Variants in SEMA7A observed in about 807,000 individuals in gnomAD.
The protein encoded by SEMA7A is semaphorin 7A (JohnMiltonHagen blood group).
A neutral mutation model predicts 67.5 loss-of-function variants in SEMA7A; 21 were observed. The observed-to-expected ratio is 0.31, with a 90% CI of 0.22 to 0.45. The LOEUF (loss-of-function observed/expected upper bound fraction) is 0.45, where lower values mean the gene tolerates loss of function less well. SEMA7A is among the 20% of genes least tolerant of loss of function. The pLI is 1.00. For missense variants in SEMA7A, 774 were observed against 908.6 expected, an observed-to-expected ratio of 0.85 and a Z score of 1.90; for synonymous variants, 364 against 368.5, an observed-to-expected ratio of 0.99 and a Z score of 0.14.
chr15:74,417,516 C>T, intron 5 of SEMA7A, 71 bp from the exon 6 acceptor site: 1 of 1,587,244 alleles, frequency 6.3e-7, no homozygotes, highest in Admixed American at 1.7e-5. Context: ...GGACACTGGA[C>T]AAAGAGCTGA....
chr15:74,433,704 T>C, intron 1 of SEMA7A, 37 bp downstream of exon 1: 2 of 1,398,406 alleles, frequency 1.4e-6, no homozygotes, highest in Non-Finnish European at 1.8e-6. Context: ...GCGCAGCGTC[T>C]GATCCCGCGC....
chr15:74,416,893 C>T (rs1199060504), intron 6 of SEMA7A, among the ~76,000 whole-genome samples, 179 bp from the exon 7 acceptor site: 1 of 152,158 alleles, frequency 6.6e-6, no homozygotes, highest in Non-Finnish European at 1.5e-5. Context: ...GCACCTCCAC[C>T]CCACACCTGT....
chr15:74,416,021 C>A, intron 7 of SEMA7A, 36 bp from the exon 8 acceptor site: 1 of 1,599,184 alleles, frequency 6.3e-7, no homozygotes, highest in Non-Finnish European at 8.6e-7. Context: ...CCCCTCAGCA[C>A]CTGCCCGGGC....
chr15:74,424,995 G>A (rs1047267315), intron 1 of SEMA7A, among the ~76,000 whole-genome samples: 1 of 152,216 alleles, frequency 6.6e-6, no homozygotes, highest in Non-Finnish European at 1.5e-5. Context: ...CCAAGTGGAG[G>A]GAGGGAGGCA....
rs779571310 is a variant in SEMA7A at position 74,411,827 on chromosome 15, C to T, written c.1422+58G>A. The T allele has an allele frequency of 6.2e-6, 10 of 1,607,034 alleles. No individual in the cohort carries two copies. The highest frequency in any genetic ancestry group is 3.3e-5 in the South Asian group (3 of 90,350). ...AACACACAAATCACATGCAAAGGAG[C>T]CCTGTCCTCAGCTGCAGTCACTGCA... On this transcript the variant is annotated intron_variant, in intron 11 of 13. Coordinates refer to ENST00000261918, the MANE Select transcript of SEMA7A (RefSeq NM_003612.5). This position sits in a 1 kb window ranked among gnomAD's most constrained non-coding sequence, Gnocchi z 4.4.
At chr15:74,432,899 T>C (rs1395937829) in intron 1 of SEMA7A, among the ~76,000 whole-genome samples, 1 of 152,058 alleles carries the variant, frequency 6.6e-6, no homozygotes, top group Non-Finnish European at 1.5e-5. Flanking sequence ...TGTCCCATAG[T>C]ACAGGGTCTA....
At chr15:74,413,974 G>A (rs562393255) in intron 10 of SEMA7A, among the ~76,000 whole-genome samples, 70 of 152,266 alleles carry the variant, frequency 4.6e-4, no homozygotes, top group Non-Finnish European at 8.2e-4. Context: ...CATCTCCCAC[G>A]GCATTCCACC....
At chr15:74,426,827 T>C (rs1470368336) in intron 1 of SEMA7A, among the ~76,000 whole-genome samples, 4 of 152,260 alleles carry the variant, frequency 2.6e-5, no homozygotes, top group South Asian at 4.1e-4. Flanking sequence ...GGGCAGAGTG[T>C]GCTCACCAGC....
At chr15:74,428,669 A>G (rs1052611619) in intron 1 of SEMA7A, among the ~76,000 whole-genome samples, 1 of 152,138 alleles carries the variant, frequency 6.6e-6, no homozygotes, top group Non-Finnish European at 1.5e-5. Flanking sequence ...GGAGTCTAGG[A>G]GGCAGTGGGG....
Position 74,431,636 on chromosome 15 carries a change from C to T in SEMA7A, c.178+2105G>A, listed in dbSNP as rs535655532. Among the ~76,000 whole-genome samples the T allele has an allele frequency of 2.6e-5, 4 of 152,356 alleles. No homozygotes were observed. The East Asian group carries it at 5.8e-4, about 22-fold the overall frequency. The stretch of plus-strand genomic sequence containing the variant: ...CAGAGCTCTAGGCTTCCAGAAAGAC[C>T]CCCTCTTACCCTGTTCCTGGGTTTG... On this transcript the variant is annotated intron_variant, in intron 1 of 13. Coordinates refer to ENST00000261918, the MANE Select transcript of SEMA7A (RefSeq NM_003612.5).
intron 1 of SEMA7A, among the ~76,000 whole-genome samples, chr15:74,428,074 C>T (rs2061057375): frequency 6.6e-6 from 1 of 152,234 alleles, no homozygotes; most frequent in South Asian, 2.1e-4. Context: ...ACCTGATTAG[C>T]CCGAGCCGGG....
chr15:74,417,846 T>G, intron 4 of SEMA7A, 31 bp downstream of exon 4: 1 of 1,610,118 alleles, frequency 6.2e-7, no homozygotes, highest in Non-Finnish European at 8.5e-7. Context: ...GAAGGTGAGC[T>G]GATCAGGCAC....
At chr15:74,424,681 T>C (rs2061028345) in intron 1 of SEMA7A, among the ~76,000 whole-genome samples, 1 of 152,052 alleles carries the variant, frequency 6.6e-6, no homozygotes, top group Non-Finnish European at 1.5e-5. Context: ...GCAAGCCCCT[T>C]GGTGAGAGGC....
In SEMA7A at chr15:74,411,255, C is replaced by T. The variant is rs777942737; in HGVS notation, c.1639+40G>A. 3 of 1,598,782 alleles carry T rather than the reference C, an allele frequency of 1.9e-6. No individual in the cohort carries two copies. The highest frequency in any genetic ancestry group is 2.2e-5 in the East Asian group (1 of 44,840). Reference sequence around the variant, plus strand: ...ACAATCAGGGCAGGGCAGTACCCCACTCATTGGGCCACAGCCGCCAGCAGG... The same window carrying T: ...ACAATCAGGGCAGGGCAGTACCCCATTCATTGGGCCACAGCCGCCAGCAGG... On this transcript the variant is annotated intron_variant, in intron 13 of 13. Coordinates refer to ENST00000261918, the MANE Select transcript of SEMA7A (RefSeq NM_003612.5). The surrounding 1 kb of genome is among the most constrained non-coding windows in gnomAD (Gnocchi z 4.4).
intron 1 of SEMA7A, among the ~76,000 whole-genome samples, chr15:74,421,130 G>A (rs1189410639): frequency 6.6e-6 from 1 of 152,242 alleles, no homozygotes; most frequent in Non-Finnish European, 1.5e-5. Flanking sequence ...GAGGAAAACA[G>A]TCCTGCCCTG....
chr15:74,419,836 C>T (rs756719511), intron 1 of SEMA7A, among the ~76,000 whole-genome samples: 17 of 152,266 alleles, frequency 1.1e-4, no homozygotes, highest in Admixed American at 2.0e-4. Context: ...AAGGGCTGAC[C>T]GGGAAAATTT....
chr15:74,420,215 G>A (rs2060988445), intron 1 of SEMA7A, among the ~76,000 whole-genome samples: 1 of 152,196 alleles, frequency 6.6e-6, no homozygotes, highest in Admixed American at 6.5e-5. Context: ...AGGAGCAGCT[G>A]GACCACACAC....
chr15:74,424,349 G>T (rs8036474), intron 1 of SEMA7A, among the ~76,000 whole-genome samples: 67,597 of 151,958 alleles, frequency 0.44, 17,070 homozygotes, highest in Non-Finnish European at 0.56. Flanking sequence ...CAATCAGGGT[G>T]AAGTCCATGG....
rs762260780 is a variant in SEMA7A, at chr15:74,412,006, C to T, written c.1301G>A (p.Gly434Asp). The T allele has an allele frequency of 1.9e-6, 3 of 1,613,824 alleles. No individual in the cohort carries two copies. Among genetic ancestry groups the T allele is most frequent in the Non-Finnish European group, 2.5e-6 (3 of 1,180,004 alleles). ...FHVLYLTTDR[G>D]TIHKVVEPGE... ...CGGTTCCACCACCTTGTGGATAGTG[C>T]CCCTGTCTGTGTATGGTGGACAGAG... The change falls in exon 11 of 14, where the codon GGC (glycine) becomes GAC (aspartate). Residue 434 changes from glycine to aspartate, a missense_variant. Physicochemically the swap from Gly to Asp is moderately conservative, Grantham distance 94. Transcript: ENST00000261918.
Sources: gnomAD v4.1 joint callset for allele counts (sites outside exome capture counted in the v4.1 genomes callset) on GRCh38, gnomAD v4.1.1 for gene constraint, Gnocchi (gnomAD v3.1) non-coding constraint, MANE v1.5 for transcripts, NCBI Gene and HGNC (gene_info 2026-07-23, HGNC 2026-07-21) for gene names.